KCNH8: variants seen among roughly 807,000 people sequenced by gnomAD.
KCNH8 encodes the protein potassium voltage-gated channel subfamily H member 8.
Under a neutral mutation model 103.6 loss-of-function variants are expected in KCNH8, and 70 were observed. The ratio of observed to expected loss-of-function variants is 0.68; its 90% CI spans 0.56 to 0.82. The LOEUF (loss-of-function observed/expected upper bound fraction) is 0.82. Among genes scored for constraint, KCNH8 ranks in the 40% least tolerant of loss-of-function variants. KCNH8 has a pLI of 0.00. For synonymous variants in KCNH8, 498 were observed against 489.4 expected (o/e 1.02, Z -0.23); for missense variants, 1,217 against 1,329.9 (o/e 0.92, Z 1.32).
chr3:19,276,177 G>GTA (rs1377337152), intron 2 of KCNH8, among the ~76,000 whole-genome samples: 10 of 115,376 alleles, frequency 8.7e-5, no homozygotes, highest in Non-Finnish European at 1.6e-4. Context: ...ATATGTATAT[G>GTA]TGTGTGTGTG....
chr3:19,255,376 G>A (rs2064333796), intron 2 of KCNH8, among the ~76,000 whole-genome samples: 1 of 152,100 alleles, frequency 6.6e-6, no homozygotes, highest in African/African-American at 2.4e-5. Flanking sequence ...TGAGACAATG[G>A]GGTTTTCTAG....
chr3:19,356,319 G>C (rs923474730), intron 5 of KCNH8, among the ~76,000 whole-genome samples: 11 of 151,766 alleles, frequency 7.2e-5, no homozygotes, highest in African/African-American at 1.9e-4. Context: ...TTTTACCTCA[G>C]AACTCATTCT....
rs2066420360 is a variant in KCNH8 at position 19,390,461 on chromosome 3, AC to A, written c.812-18del. 1 of 1,579,514 alleles carries A rather than the reference AC, an allele frequency of 6.3e-7. No individual in the cohort carries two copies. The highest frequency in any genetic ancestry group is 8.6e-7 in the Non-Finnish European group (1 of 1,156,710). Reference sequence around the variant, plus strand: ...CTCTGTCTCTTCCTTTTATTTCTCAACCTTTTTTTTCCCAAGCAGATATTAT... The same window carrying A: ...CTCTGTCTCTTCCTTTTATTTCTCAACTTTTTTTTCCCAAGCAGATATTAT... On this transcript the variant is annotated intron_variant, in intron 5 of 15. Coordinates refer to ENST00000328405, the MANE Select transcript of KCNH8 (RefSeq NM_144633.3).
At chr3:19,258,945 CTCTATATATA>C (rs1488742887) in intron 2 of KCNH8, among the ~76,000 whole-genome samples, 224 of 42,240 alleles carry the variant, frequency 5.3e-3, no homozygotes, top group African/African-American at 0.016. Flanking sequence ...CTCTCTCTCT[CTCTATATATA>C]TATATATATA....
intron 1 of KCNH8, among the ~76,000 whole-genome samples, chr3:19,227,716 G>T (rs1408837177): frequency 2.0e-5 from 3 of 152,210 alleles, no homozygotes; most frequent in African/African-American, 7.2e-5. Flanking sequence ...CTCAGTATCT[G>T]TTATGCACCA....
chr3:19,533,981 C>T lies in KCNH8; in HGVS notation c.3206C>T (p.Pro1069Leu). ...AGTTCCTTCAGTCTGGAAAACTTAC[C>T]AGGATCTTGGAACCAGGAAGGAATG... ...TVSSFSLENL[P>L]GSWNQEGMAS... Residue 1069 changes from proline to leucine, a missense_variant, in exon 16 of 16, where the codon CCA becomes CTA. By Grantham distance (98) the Pro-to-Leu change is moderately conservative (BLOSUM62 -3). Transcript: ENST00000328405. 6.2e-7 allele frequency: 1 copy of T among 1,614,108 alleles called. No homozygotes were observed.
At position 19,193,548 on chromosome 3, in the gene KCNH8, A is replaced by T. The variant is rs140892987; in HGVS notation, c.76+44753A>T. Among the ~76,000 whole-genome samples the T allele has an allele frequency of 1.8e-4, 27 of 151,852 alleles. No homozygotes were observed. The East Asian group carries it at 5.0e-3, about 28-fold the overall frequency. On this transcript the variant is annotated intron_variant, in intron 1 of 15. Coordinates refer to ENST00000328405, the MANE Select transcript of KCNH8 (RefSeq NM_144633.3). ...TATCTTGACCTTTGTTTCCGTGCAAAGATCAGATGAGAAAGGTATAAAAAC... is the reference window on the plus strand; with the variant it reads ...TATCTTGACCTTTGTTTCCGTGCAATGATCAGATGAGAAAGGTATAAAAAC...
intron 1 of KCNH8, among the ~76,000 whole-genome samples, chr3:19,189,160 A>G (rs972023411): frequency 1.3e-5 from 2 of 152,196 alleles, no homozygotes; most frequent in South Asian, 4.1e-4. Flanking sequence ...GTTAAGATAC[A>G]TTCTCTGACA....
intron 2 of KCNH8, among the ~76,000 whole-genome samples, chr3:19,256,435 A>G (rs1437519645): frequency 6.6e-6 from 1 of 152,120 alleles, no homozygotes; most frequent in Non-Finnish European, 1.5e-5. Flanking sequence ...AATCATTGAA[A>G]GGAGGCCTGA....
At chr3:19,165,266 T>C (rs1270504690) in intron 1 of KCNH8, among the ~76,000 whole-genome samples, 2 of 152,190 alleles carry the variant, frequency 1.3e-5, no homozygotes, top group Non-Finnish European at 2.9e-5. Context: ...AGCAATTACT[T>C]TCACACGAAC....
At position 19,518,005 on chromosome 3, in the gene KCNH8, G is replaced by C; in HGVS notation, c.2550G>C (p.Glu850Asp). The C allele has an allele frequency of 6.2e-7, 1 of 1,612,016 alleles. No homozygotes were observed. The highest frequency in any genetic ancestry group is 8.5e-7 in the Non-Finnish European group (1 of 1,178,614). Reference sequence around the variant, plus strand: ...ATGTGTGTCACTTTTCAGATCCAGAGATTGGAGCTGCTGTTCTCTTCATCA... The same window carrying C: ...ATGTGTGTCACTTTTCAGATCCAGACATTGGAGCTGCTGTTCTCTTCATCA... Reference protein sequence around the residue: ...PRISPPLGDPEIGAAVLFIKA... With the variant: ...PRISPPLGDPDIGAAVLFIKA... The change falls in exon 15 of 16, where the codon GAG (glutamate) becomes GAC (aspartate). Residue 850 changes from glutamate (E) to aspartate (D), a missense_variant. Transcript: ENST00000328405.
At chr3:19,498,223 T>C (rs540310928) in intron 11 of KCNH8, among the ~76,000 whole-genome samples, 7 of 152,222 alleles carry the variant, frequency 4.6e-5, no homozygotes, top group Admixed American at 2.0e-4. Flanking sequence ...AAATGGAGCA[T>C]TTAGCGCATT....
At chr3:19,463,458 T>C (rs1178583614) in intron 11 of KCNH8, among the ~76,000 whole-genome samples, 1 of 151,734 alleles carries the variant, frequency 6.6e-6, no homozygotes, top group Non-Finnish European at 1.5e-5. Flanking sequence ...ATGGGCAAAA[T>C]ATATGTACAG....
intron 5 of KCNH8, among the ~76,000 whole-genome samples, chr3:19,359,024 G>T (rs1286117022): frequency 6.6e-6 from 1 of 151,748 alleles, no homozygotes; most frequent in Non-Finnish European, 1.5e-5. Context: ...AATAACAGCA[G>T]TAAATCAAGA....
chr3:19,273,170 G>T (rs781517316), intron 2 of KCNH8, among the ~76,000 whole-genome samples: 13 of 152,184 alleles, frequency 8.5e-5, no homozygotes, highest in Non-Finnish European at 1.5e-4. Context: ...CTCTGCAAAG[G>T]CCATAGATTC....
intron 3 of KCNH8, among the ~76,000 whole-genome samples, chr3:19,309,031 A>C (rs2125295825): frequency 6.6e-6 from 1 of 151,918 alleles, no homozygotes; most frequent in Non-Finnish European, 1.5e-5. Flanking sequence ...GTAGTGCTCA[A>C]GTGGAATCAG....
intron 1 of KCNH8, among the ~76,000 whole-genome samples, chr3:19,168,895 G>A (rs2063311094): frequency 6.6e-6 from 1 of 152,026 alleles, no homozygotes; most frequent in Non-Finnish European, 1.5e-5. Flanking sequence ...CTCAGGGTCG[G>A]TTTTCAAACT....
At chr3:19,212,074 T>G (rs2063776580) in intron 1 of KCNH8, among the ~76,000 whole-genome samples, 1 of 151,626 alleles carries the variant, frequency 6.6e-6, no homozygotes, top group Non-Finnish European at 1.5e-5. Flanking sequence ...ACTCATGAGC[T>G]TTATTCATGG....
At chr3:19,369,522 A>G (rs903432663) in intron 5 of KCNH8, among the ~76,000 whole-genome samples, 1 of 151,962 alleles carries the variant, frequency 6.6e-6, no homozygotes, top group African/African-American at 2.4e-5. Context: ...CTAGCATTTC[A>G]ATGTTGGTGG....
Sources: allele counts gnomAD v4.1 joint callset (sites outside exome capture counted in the v4.1 genomes callset), GRCh38; gene constraint gnomAD v4.1.1; transcripts MANE v1.5; gene names NCBI Gene and HGNC (gene_info 2026-07-23, HGNC 2026-07-21).